VAPA: variants seen among roughly 807,000 people sequenced by gnomAD.
The protein encoded by VAPA is VAMP associated protein A.
A neutral mutation model predicts 25.6 loss-of-function variants in VAPA; 6 were observed. The observed-to-expected ratio is 0.23, with a 90% confidence interval of 0.13 to 0.46. The LOEUF is 0.46. VAPA is among the 20% of genes least tolerant of loss of function. The pLI is 0.99. For synonymous variants in VAPA, 112 were observed against 106.2 expected (o/e 1.05, Z -0.34); for missense variants, 244 against 302.1 (o/e 0.81, Z 1.43).
chr18:9,943,455 A>G (rs2069386144), intron 4 of VAPA, among the ~76,000 whole-genome samples: 3 of 152,204 alleles, frequency 2.0e-5, no homozygotes. Flanking sequence ...GTGTGCCAAT[A>G]CATTTCATTT....
intron 1 of VAPA, among the ~76,000 whole-genome samples, chr18:9,924,253 T>C (rs1325600062): frequency 6.6e-6 from 1 of 152,208 alleles, no homozygotes; most frequent in Non-Finnish European, 1.5e-5. Context: ...ACATCCTACC[T>C]GTCTAGAATC....
chr18:9,931,644 A>G, intron 1 of VAPA, 166 bp from the exon 2 acceptor site: 1 of 504,456 alleles, frequency 2.0e-6, no homozygotes, highest in Admixed American at 4.0e-5. Context: ...ACTTGTTTTT[A>G]AGTCTGCCAC....
rs944004521 is a variant in VAPA, at chr18:9,931,710, C to T, written c.80-100C>T. 5 of 1,017,698 alleles carry T rather than the reference C, an allele frequency of 4.9e-6. No homozygotes were observed. The African/African-American group carries it at 8.3e-5, about 17-fold the overall frequency. 63.0% of individuals were successfully genotyped at this position (1,017,698 alleles called of 1,614,324 possible). A position where few individuals can be genotyped will look rare whatever the true frequency, so the allele number is the denominator to read the frequency against. On this transcript the variant is annotated intron_variant, in intron 1 of 5. Coordinates refer to ENST00000400000, the MANE Select transcript of VAPA (RefSeq NM_194434.3). ...GGATATTTATGCCTACAAATGTCAGCACTTAATTAAAATTGAGGTTATATA... is the reference window on the plus strand; with the variant it reads ...GGATATTTATGCCTACAAATGTCAGTACTTAATTAAAATTGAGGTTATATA...
Position 9,954,730 on chromosome 18 carries a change from TG to T in VAPA, c.*520del, listed in dbSNP as rs1453865941. The T allele has an allele frequency of 6.5e-6, 1 of 152,828 alleles. No individual in the cohort carries two copies. Among genetic ancestry groups the T allele is most frequent in the Non-Finnish European group, 1.5e-5 (1 of 68,204 alleles). The allele number at this position is 152,828 out of a possible 1,614,324, so 9.5% of individuals were successfully genotyped here. On this transcript the variant is annotated 3_prime_UTR_variant, in exon 6 of 6. Coordinates refer to ENST00000400000, the MANE Select transcript of VAPA (RefSeq NM_194434.3). ...ATGGCAGAATTTTTCTTATCCCTTG[TG>T]AGGCAGTTGTTGACTGAGTTTTTCA... is the stretch of plus-strand genomic sequence containing the variant.
intron 1 of VAPA, among the ~76,000 whole-genome samples, chr18:9,927,326 TGGG>T (rs1259844119): frequency 3.3e-5 from 5 of 152,134 alleles, no homozygotes; most frequent in Non-Finnish European, 7.4e-5. Context: ...AATAAAATGT[TGGG>T]GGAAAAGCTA....
At chr18:9,946,094 T>C (rs2143411720) in intron 4 of VAPA, among the ~76,000 whole-genome samples, 1 of 152,334 alleles carries the variant, frequency 6.6e-6, no homozygotes. Flanking sequence ...GTTCCCTCTT[T>C]TTCTAATTAA....
intron 4 of VAPA, chr18:9,948,872 C>T (rs974955172): frequency 6.6e-6 from 1 of 152,196 alleles, no homozygotes; most frequent in Non-Finnish European, 1.5e-5. Flanking sequence ...GCTTCATCCT[C>T]TTTAAGTTTT....
At chr18:9,930,789 A>T (rs2069246640) in intron 1 of VAPA, among the ~76,000 whole-genome samples, 1 of 151,080 alleles carries the variant, frequency 6.6e-6, no homozygotes, top group African/African-American at 2.4e-5. Flanking sequence ...TCTAATTTTC[A>T]CTCATTTTTA....
intron 2 of VAPA, among the ~76,000 whole-genome samples, chr18:9,934,288 C>T (rs1266715520): frequency 2.6e-5 from 4 of 152,014 alleles, no homozygotes; most frequent in African/African-American, 4.8e-5. Context: ...TTTTCAAGAT[C>T]GTCTTTGTCT....
chr18:9,938,363 G>A (rs1318698277), intron 4 of VAPA, among the ~76,000 whole-genome samples: 1 of 152,222 alleles, frequency 6.6e-6, no homozygotes, highest in East Asian at 1.9e-4. Context: ...TGCTGATTAA[G>A]AGTAGCTCTC....
At chr18:9,924,757 A>G (rs2069186008) in intron 1 of VAPA, 1 of 152,154 alleles carries the variant, frequency 6.6e-6, no homozygotes, top group East Asian at 1.9e-4. Flanking sequence ...CTTAGAGATC[A>G]TTTTGCCTAC....
intron 5 of VAPA, chr18:9,951,328 A>T (rs1444607274): frequency 2.0e-5 from 3 of 152,306 alleles, no homozygotes; most frequent in African/African-American, 7.2e-5. Flanking sequence ...CTACTACAGC[A>T]TATAGCCTTT....
In VAPA at chr18:9,959,683, G is replaced by GT. The variant is rs1407391481; in HGVS notation, c.*5473dup. ...ACCCTGAGGAAAAATAATACAATGT[G>GT]TGTGTGTGAGAGAGAGAGTGAGTTA... is the stretch of plus-strand genomic sequence containing the variant. On this transcript the variant is annotated 3_prime_UTR_variant, in exon 6 of 6. Coordinates refer to ENST00000400000, the MANE Select transcript of VAPA (RefSeq NM_194434.3). 2 of 140,654 alleles carry GT rather than the reference G, an allele frequency of 1.4e-5. No individual in the cohort carries two copies. Among genetic ancestry groups the GT allele is most frequent in the Non-Finnish European group, 3.0e-5 (2 of 66,306 alleles). The allele number at this position is 140,654 out of a possible 1,614,324, so 8.7% of individuals were successfully genotyped here.
rs1377239363 is a variant in VAPA, at chr18:9,954,560, A to G, written c.*349A>G. 2 of 176,648 alleles carry G rather than the reference A, an allele frequency of 1.1e-5. No individual in the cohort carries two copies. The highest frequency in any genetic ancestry group is 6.3e-5 in the Admixed American group (1 of 15,978). 10.9% of individuals were successfully genotyped at this position (176,648 alleles called of 1,614,324 possible). The stretch of plus-strand genomic sequence containing the variant: ...TAAATGTTATTTTAATAATCCCTTT[A>G]AATTTTATCTGTTGCTGTTACCTCT... On this transcript the variant is annotated 3_prime_UTR_variant, in exon 6 of 6. Coordinates refer to ENST00000400000, the MANE Select transcript of VAPA (RefSeq NM_194434.3).
Position 9,927,517 on chromosome 18 carries a change from C to T in VAPA, c.80-4293C>T, listed in dbSNP as rs1203481974. On this transcript the variant is annotated intron_variant, in intron 1 of 5. Coordinates refer to ENST00000400000, the MANE Select transcript of VAPA (RefSeq NM_194434.3). Reference sequence around the variant, plus strand: ...TAGCTCTTCTTAGCTTAGTGGGATTCCTTTTAAGACTGGGTGGTTTGGAGA... The same window carrying T: ...TAGCTCTTCTTAGCTTAGTGGGATTTCTTTTAAGACTGGGTGGTTTGGAGA... 5.5e-5 allele frequency among the ~76,000 whole-genome samples: 8 copies of T among 145,622 alleles called. No individual in the cohort carries two copies. In the South Asian group the frequency reaches 6.6e-4, roughly 12 times the overall value.
chr18:9,949,133 G>GT (rs1195482768), intron 4 of VAPA: 2 of 152,142 alleles, frequency 1.3e-5, no homozygotes, highest in Non-Finnish European at 2.9e-5. Context: ...ATCTGAAACA[G>GT]TTTTTTAATA....
At position 9,956,102 on chromosome 18, in the gene VAPA, G is replaced by A. The variant is rs1163518658; in HGVS notation, c.*1891G>A. On this transcript the variant is annotated 3_prime_UTR_variant, in exon 6 of 6. Coordinates refer to ENST00000400000, the MANE Select transcript of VAPA (RefSeq NM_194434.3). ...AAATTTAGCCAAATCCCGTTTTATG[G>A]GAATGCTCTTTAGAATTCATTTTGT... is the stretch of plus-strand genomic sequence containing the variant. 5 of 151,840 alleles carry A rather than the reference G, an allele frequency of 3.3e-5. No individual in the cohort carries two copies. The highest frequency in any genetic ancestry group is 1.2e-4 in the African/African-American group (5 of 41,328). 9.4% of individuals were successfully genotyped at this position (151,840 alleles called of 1,614,324 possible). A position where few individuals can be genotyped will look rare whatever the true frequency, so the allele number is the denominator to read the frequency against.
intron 1 of VAPA, among the ~76,000 whole-genome samples, chr18:9,918,521 TA>T (rs779138013): frequency 1.1e-3 from 161 of 152,120 alleles, no homozygotes; most frequent in African/African-American, 3.6e-3. Flanking sequence ...ACAGTTTCTC[TA>T]AAAAAAACCC....
At chr18:9,915,984 G>T (rs991481907) in intron 1 of VAPA, among the ~76,000 whole-genome samples, 30 of 151,444 alleles carry the variant, frequency 2.0e-4, no homozygotes, top group African/African-American at 2.9e-4. Context: ...TGTATGGTGT[G>T]TTTTTTTTTA....
Sources: gnomAD v4.1 joint callset for allele counts (sites outside exome capture counted in the v4.1 genomes callset) on GRCh38, gnomAD v4.1.1 for gene constraint, MANE v1.5 for transcripts, NCBI Gene and HGNC (gene_info 2026-07-23, HGNC 2026-07-21) for gene names.